CST8: variants seen among roughly 807,000 people sequenced by gnomAD.
CST8 encodes cystatin-8.
In CST8, 20 loss-of-function variants were observed where a neutral mutation model predicts 11.8. That is an observed-to-expected ratio of 1.70 (90% CI 1.20 to 2.47). CST8 has a LOEUF of 2.47. Among genes scored for constraint, CST8 ranks in the 30% most tolerant of loss-of-function variants. The pLI, the probability that CST8 is intolerant of heterozygous loss-of-function variation, is 0.00. For synonymous variants in CST8, 77 were observed against 63.1 expected (o/e 1.22, Z -1.05); for missense variants, 196 against 167.2 (o/e 1.17, Z -0.95).
the CST8 span, among the ~76,000 whole-genome samples, chr20:23,503,286 G>A: frequency 6.6e-6 from 1 of 152,164 alleles, no homozygotes; most frequent in African/African-American, 2.4e-5. Context: ...TAATAGACTA[G>A]AGAGTCTTAG....
chr20:23,506,583 C>T, the CST8 span, among the ~76,000 whole-genome samples: 3 of 152,104 alleles, frequency 2.0e-5, no homozygotes, highest in African/African-American at 7.2e-5. Flanking sequence ...ACTAAAACAG[C>T]ATCTTGGTAT....
intron 3 of CST8, among the ~76,000 whole-genome samples, chr20:23,495,405 G>T (rs139800459): frequency 6.6e-6 from 1 of 152,084 alleles, no homozygotes; most frequent in Non-Finnish European, 1.5e-5. Flanking sequence ...GCACTAATTT[G>T]CACTCCCACC....
At chr20:23,498,351 C>T (rs559403506), downstream of CST8, among the ~76,000 whole-genome samples, 13 of 152,238 alleles carry the variant, frequency 8.5e-5, no homozygotes, top group Middle Eastern at 3.4e-3. Context: ...GGTTATGACT[C>T]AAGAGGCTAA....
downstream of CST8, among the ~76,000 whole-genome samples, chr20:23,497,406 C>T (rs1005095908): frequency 2.0e-5 from 3 of 152,218 alleles, no homozygotes; most frequent in Admixed American, 2.0e-4. Flanking sequence ...CTGGATGCTT[C>T]CTTTGGCCTG....
the CST8 span, among the ~76,000 whole-genome samples, chr20:23,505,995 G>GGT: frequency 2.0e-3 from 301 of 147,376 alleles, 1 homozygote; most frequent in African/African-American, 7.4e-3. Flanking sequence ...AAATCTCCTA[G>GGT]TTTTTTTTTT....
the CST8 span, among the ~76,000 whole-genome samples, chr20:23,505,881 G>C: frequency 6.6e-6 from 1 of 152,144 alleles, no homozygotes; most frequent in African/African-American, 2.4e-5. Context: ...CTGCCCTCAA[G>C]TCTTAAAAAT....
At chr20:23,499,406 A>G (rs981574888), downstream of CST8, among the ~76,000 whole-genome samples, 4 of 152,224 alleles carry the variant, frequency 2.6e-5, no homozygotes, top group African/African-American at 9.6e-5. Flanking sequence ...CTAAGATATT[A>G]CAGGAGAACA....
At chr20:23,501,849 A>T in the CST8 span, among the ~76,000 whole-genome samples, 1 of 152,106 alleles carries the variant, frequency 6.6e-6, no homozygotes, top group South Asian at 2.1e-4. Context: ...ACTCCTTCAG[A>T]TTCCTTGTTT....
intron 2 of CST8, among the ~76,000 whole-genome samples, chr20:23,492,657 A>G (rs1255282413): frequency 6.6e-6 from 1 of 152,176 alleles, no homozygotes; most frequent in Non-Finnish European, 1.5e-5. Context: ...CTGAGCATGC[A>G]GCATGCCCTG....
intron 2 of CST8, among the ~76,000 whole-genome samples, 193 bp from the exon 3 acceptor site, chr20:23,492,765 T>TG (rs934935947): frequency 9.2e-5 from 14 of 152,142 alleles, no homozygotes; most frequent in African/African-American, 3.1e-4. Flanking sequence ...CAGGAGCCTA[T>TG]GGAGTCCTGA....
chr20:23,498,235 A>G (rs542614623), downstream of CST8, among the ~76,000 whole-genome samples: 1 of 152,346 alleles, frequency 6.6e-6, no homozygotes, highest in Non-Finnish European at 1.5e-5. Flanking sequence ...AATAGACAAC[A>G]CTGCTGAACT....
the CST8 span, among the ~76,000 whole-genome samples, chr20:23,503,504 A>T: frequency 1.3e-5 from 2 of 152,358 alleles, no homozygotes; most frequent in African/African-American, 4.8e-5. Context: ...TCAACAAAAC[A>T]TACTCTAAGA....
chr20:23,500,212 G>T (rs906935288), downstream of CST8, among the ~76,000 whole-genome samples: 1 of 152,120 alleles, frequency 6.6e-6, no homozygotes, highest in African/African-American at 2.4e-5. Flanking sequence ...CAACTCTAGG[G>T]ATTAAATTTC....
downstream of CST8, among the ~76,000 whole-genome samples, chr20:23,500,597 C>G (rs866101816): frequency 1.9e-4 from 29 of 152,278 alleles, no homozygotes; most frequent in African/African-American, 5.5e-4. Flanking sequence ...GGTTGGTACA[C>G]TTAGACCATT....
chr20:23,501,843 C>T, the CST8 span, among the ~76,000 whole-genome samples: 8 of 152,176 alleles, frequency 5.3e-5, no homozygotes, highest in Non-Finnish European at 1.0e-4. Flanking sequence ...TTCCAAACTC[C>T]TTCAGATTCC....
At chr20:23,500,519 G>A (rs1025988573), downstream of CST8, among the ~76,000 whole-genome samples, 6 of 152,184 alleles carry the variant, frequency 3.9e-5, no homozygotes, top group African/African-American at 1.4e-4. Context: ...TGGAATGGGA[G>A]GCAAGAGGGG....
chr20:23,506,782 A>G, the CST8 span, among the ~76,000 whole-genome samples: 4 of 152,266 alleles, frequency 2.6e-5, no homozygotes, highest in Admixed American at 1.3e-4. Context: ...TAGTGCCATC[A>G]ACACAGGGTC....
chr20:23,500,179 C>T (rs1283093177), downstream of CST8, among the ~76,000 whole-genome samples: 1 of 152,110 alleles, frequency 6.6e-6, no homozygotes, highest in Non-Finnish European at 1.5e-5. Flanking sequence ...TCTACCCAAG[C>T]ACCTCCCACC....
the CST8 span, among the ~76,000 whole-genome samples, chr20:23,503,353 C>G: frequency 6.6e-6 from 1 of 152,152 alleles, no homozygotes; most frequent in African/African-American, 2.4e-5. Flanking sequence ...TGACCACAAA[C>G]TAATCCTGAC....
Sources: allele counts gnomAD v4.1 joint callset (sites outside exome capture counted in the v4.1 genomes callset), GRCh38; gene constraint gnomAD v4.1.1; transcripts MANE v1.5; gene names NCBI Gene and HGNC (gene_info 2026-07-23, HGNC 2026-07-21).